Variants in CCDC7 observed in about 807,000 individuals in gnomAD.
The protein encoded by CCDC7 is coiled-coil domain-containing protein 7.
In CCDC7, 183 loss-of-function variants were observed where a neutral mutation model predicts 196.9. The ratio of observed to expected loss-of-function variants is 0.93; its 90% CI spans 0.82 to 1.05. The LOEUF is 1.05. Ranked by LOEUF, CCDC7 falls within the 50% of genes least tolerant of loss-of-function variation. CCDC7 has a pLI of 0.00. For synonymous variants in CCDC7, 525 were observed against 484.6 expected (o/e 1.08, Z -1.10); for missense variants, 1,540 against 1,482.2 (o/e 1.04, Z -0.64).
chr10:32,661,416 A>G (rs959281274), intron 20 of CCDC7, among the ~76,000 whole-genome samples: 5 of 152,098 alleles, frequency 3.3e-5, no homozygotes, highest in African/African-American at 1.2e-4. Flanking sequence ...CAGTGTGGCA[A>G]TTTTTCCTCT....
intron 18 of CCDC7, among the ~76,000 whole-genome samples, chr10:32,624,754 G>A (rs1001909039): frequency 6.6e-6 from 1 of 152,070 alleles, no homozygotes; most frequent in African/African-American, 2.4e-5. Flanking sequence ...GGGTGTGTGT[G>A]TGTGTTGATG....
At chr10:32,839,810 G>A (rs2092854973) in intron 33 of CCDC7, among the ~76,000 whole-genome samples, 1 of 151,898 alleles carries the variant, frequency 6.6e-6, no homozygotes, top group African/African-American at 2.4e-5. Context: ...TACTCTCTCA[G>A]ACCACAGTGG....
chr10:32,665,960 T>A (rs2072586624), intron 21 of CCDC7, among the ~76,000 whole-genome samples: 1 of 152,032 alleles, frequency 6.6e-6, no homozygotes, highest in Non-Finnish European at 1.5e-5. Flanking sequence ...TTGTAGATAT[T>A]GTAAATGAGA....
At chr10:32,819,317 T>C (rs995724631) in intron 31 of CCDC7, among the ~76,000 whole-genome samples, 2 of 152,186 alleles carry the variant, frequency 1.3e-5, no homozygotes, top group Non-Finnish European at 2.9e-5. Flanking sequence ...ATTGAGGCAA[T>C]AATTAATAGC....
intron 28 of CCDC7, among the ~76,000 whole-genome samples, chr10:32,755,659 C>G (rs886139270): frequency 5.3e-5 from 8 of 152,112 alleles, no homozygotes; most frequent in Non-Finnish European, 1.2e-4. Context: ...GAAACCAGAG[C>G]AGAAGAGCTG....
chr10:32,674,914 C>T (rs981859337), intron 21 of CCDC7, among the ~76,000 whole-genome samples: 1 of 151,806 alleles, frequency 6.6e-6, no homozygotes, highest in African/African-American at 2.4e-5. Flanking sequence ...CTTTTTGATA[C>T]CGTTTGCATG....
chr10:32,536,269 C>T (rs1361770222), intron 11 of CCDC7, among the ~76,000 whole-genome samples: 1 of 152,012 alleles, frequency 6.6e-6, no homozygotes. Context: ...ATGATCAGAC[C>T]CCTGCAGAAA....
In CCDC7 at chr10:32,699,372, A is replaced by T. The variant is rs574241400; in HGVS notation, c.2458+4380A>T. Among the ~76,000 whole-genome samples, 10 of 152,146 alleles carry T rather than the reference A, an allele frequency of 6.6e-5. No homozygotes were observed. In the East Asian group the frequency reaches 1.7e-3, roughly 27 times the overall value. On this transcript the variant is annotated intron_variant, in intron 24 of 41. Transcript: ENST00000639629. ...TCCAGCTTCATCTATGTCCCTACAA[A>T]GGACATGAACTCATCCATTTTTATG...
At chr10:32,622,196 G>A (rs1830991409) in intron 18 of CCDC7, among the ~76,000 whole-genome samples, 1 of 152,096 alleles carries the variant, frequency 6.6e-6, no homozygotes, top group African/African-American at 2.4e-5. Flanking sequence ...TTCACTTACA[G>A]CTTTAGATAA....
Position 32,642,077 on chromosome 10 carries a change from C to T in CCDC7, c.2014+6919C>T, listed in dbSNP as rs1006360111. Among the ~76,000 whole-genome samples, 12 of 152,188 alleles carry T rather than the reference C, an allele frequency of 7.9e-5. 1 individual carries two copies. The highest frequency in any genetic ancestry group is 1.5e-4 in the Non-Finnish European group (10 of 68,026). On this transcript the variant is annotated intron_variant, in intron 20 of 41. Coordinates refer to ENST00000639629, the Ensembl canonical transcript of CCDC7. ...GTCTGCCCCTACTGGGGGGTGCCTC[C>T]CAGTTAGGCTACTCGGGTCAGGGAC...
At chr10:32,845,417 C>A in intron 34 of CCDC7, 91 bp downstream of exon 35, 1 of 1,205,750 alleles carries the variant, frequency 8.3e-7, no homozygotes, top group Non-Finnish European at 1.2e-6. Context: ...ACAAAACTAC[C>A]TATATTATAG....
At chr10:32,543,277 C>G in intron 11 of CCDC7, 23 bp from the exon 13 acceptor site, 4 of 1,374,302 alleles carry the variant, frequency 2.9e-6, no homozygotes, top group Non-Finnish European at 3.8e-6. Flanking sequence ...CCCTTTATTT[C>G]TGGCTTATGT....
chr10:32,748,414 G>A (rs924714781), intron 28 of CCDC7, among the ~76,000 whole-genome samples: 18 of 152,048 alleles, frequency 1.2e-4, no homozygotes, highest in African/African-American at 3.9e-4. Context: ...CTGCAACCTT[G>A]CCATAACTGC....
chr10:32,605,408 G>A (rs2990969), intron 18 of CCDC7, among the ~76,000 whole-genome samples: 38,582 of 152,120 alleles, frequency 0.25, 5,465 homozygotes, highest in South Asian at 0.44. Context: ...TTGGAGCTGC[G>A]TAACAGGCAG....
Position 32,861,804 on chromosome 10 carries a change from CAT to C in CCDC7, c.4111+7318_4111+7319del, listed in dbSNP as rs1182388124. Among the ~76,000 whole-genome samples, 3 of 146,876 alleles carry C rather than the reference CAT, an allele frequency of 2.0e-5. No individual in the cohort carries two copies. The Admixed American group carries it at 2.1e-4, about 10-fold the overall frequency. On this transcript the variant is annotated intron_variant, in intron 41 of 41. Transcript: ENST00000639629. ...ATAAGATGTTTATGCAGCCAACAAA[CAT>C]ATGAAAAAAAGATCATCATCACTGG...
intron 30 of CCDC7, among the ~76,000 whole-genome samples, chr10:32,808,428 G>T (rs2086327989): frequency 6.6e-6 from 1 of 152,170 alleles, no homozygotes; most frequent in Admixed American, 6.5e-5. Context: ...GGTCCTGGAG[G>T]ATGAACTCAG....
chr10:32,782,133 A>G (rs1308619657), intron 29 of CCDC7, among the ~76,000 whole-genome samples: 1 of 152,238 alleles, frequency 6.6e-6, no homozygotes, highest in Non-Finnish European at 1.5e-5. Context: ...TTGTATACTG[A>G]AAACTACCAT....
At chr10:32,581,317 A>G (rs2058709239) in intron 16 of CCDC7, among the ~76,000 whole-genome samples, 6 of 152,256 alleles carry the variant, frequency 3.9e-5, no homozygotes, top group Admixed American at 2.0e-4. Flanking sequence ...TTGGCAATTC[A>G]CCAAATAATT....
chr10:32,647,791 G>T (rs1262913685), intron 20 of CCDC7, among the ~76,000 whole-genome samples: 1 of 152,188 alleles, frequency 6.6e-6, no homozygotes, highest in African/African-American at 2.4e-5. Flanking sequence ...TGTTTGCTCT[G>T]TTGACAGTTT....
Sources: allele counts gnomAD v4.1 joint callset (sites outside exome capture counted in the v4.1 genomes callset), GRCh38; gene constraint gnomAD v4.1.1; transcripts MANE v1.5; gene names NCBI Gene and HGNC (gene_info 2026-07-23, HGNC 2026-07-21).